The following TRIML1 variants were observed in gnomAD, a reference collection of about 807,000 sequenced individuals.
TRIML1 encodes the protein tripartite motif family like 1.
A neutral mutation model predicts 32.3 loss-of-function variants in TRIML1; 34 were observed. The observed-to-expected ratio is 1.05, with a 90% CI of 0.80 to 1.40. The LOEUF (loss-of-function observed/expected upper bound fraction) is 1.40, where lower values mean the gene tolerates loss of function less well. Among genes scored for constraint, TRIML1 ranks in the 40% most tolerant of loss-of-function variants. TRIML1 has a pLI of 0.00. For missense variants in TRIML1, 595 were observed against 574.9 expected (o/e 1.03, Z -0.36); for synonymous variants, 244 against 226.6 (o/e 1.08, Z -0.69).
intron 1 of TRIML1, 63 bp from the exon 2 acceptor site, chr4:188,140,465 T>C (rs1416941752): frequency 1.4e-6 from 2 of 1,384,202 alleles, no homozygotes; most frequent in Non-Finnish European, 1.0e-6. Context: ...TTACTGGTCT[T>C]CAAAGCCCCT....
chr4:188,144,589 C>T (rs898522236), intron 5 of TRIML1, among the ~76,000 whole-genome samples: 2 of 150,792 alleles, frequency 1.3e-5, no homozygotes, highest in Non-Finnish European at 3.0e-5. Flanking sequence ...GTCTCGATCT[C>T]CTGACCTCGT....
rs1735101612 is a variant in TRIML1, at chr4:188,146,853, T to C, written c.888T>C (p.Asn296=). Residue 296 remains asparagine, a synonymous_variant, in exon 6 of 6, where the codon AAT becomes AAC. Transcript: ENST00000332517. ...TEITLDPATA[N]AYLVLSEDLK... Reference sequence around the variant, plus strand: ...TAACGCTGGACCCAGCCACAGCTAATGCCTATCTCGTGTTGTCGGAGGATC... The same window carrying C: ...TAACGCTGGACCCAGCCACAGCTAACGCCTATCTCGTGTTGTCGGAGGATC... 7.0e-7 allele frequency: 1 copy of C among 1,434,910 alleles called. No homozygotes were observed. Among genetic ancestry groups the C allele is most frequent in the Non-Finnish European group, 9.2e-7 (1 of 1,090,854 alleles). 88.9% of individuals were successfully genotyped at this position (1,434,910 alleles called of 1,614,324 possible). A position where few individuals can be genotyped will look rare whatever the true frequency, so the allele number is the denominator to read the frequency against.
rs374237670 is a variant in TRIML1 at position 188,147,047 on chromosome 4, C to T, written c.1082C>T (p.Ser361Phe). Residue 361 changes from serine to phenylalanine, a missense_variant, in exon 6 of 6, where the codon TCT becomes TTT. Coordinates refer to ENST00000332517, the MANE Select transcript of TRIML1 (RefSeq NM_178556.5). ...TEWEVGICKD[S>F]VSRKGNLPKP... ...TGGGAAGTGGGCATCTGCAAGGACT[C>T]TGTGAGCAGAAAGGGGAATCTCCCC... The T allele has an allele frequency of 3.1e-5, 50 of 1,612,552 alleles. No homozygotes were observed. The highest frequency in any genetic ancestry group is 4.2e-5 in the Non-Finnish European group (50 of 1,179,262).
intron 5 of TRIML1, 44 bp from the exon 6 acceptor site, chr4:188,146,763 ATACCTAAGAGGTTTT>A: frequency 1.6e-6 from 2 of 1,245,960 alleles, no homozygotes. Flanking sequence ...GAAATCTCAC[ATACCTAAGAGGTTTT>A]TCAAGCATGC....
downstream of TRIML1, among the ~76,000 whole-genome samples, chr4:188,148,901 C>CTTTTTTT (rs34415263): frequency 3.1e-5 from 2 of 63,746 alleles, no homozygotes; most frequent in Non-Finnish European, 2.8e-5. Context: ...CGTGCCCAGG[C>CTTTTTTT]TTTTTTTTTT....
chr4:188,140,927 C>A (rs539259885), intron 2 of TRIML1: 3 of 201,978 alleles, frequency 1.5e-5, no homozygotes, highest in African/African-American at 2.3e-5. Context: ...TAACATGAGA[C>A]GGAAAGCGAT....
At chr4:188,148,097 T>C (rs1026140036), downstream of TRIML1, among the ~76,000 whole-genome samples, 8 of 152,194 alleles carry the variant, frequency 5.3e-5, no homozygotes, top group South Asian at 2.1e-4. Flanking sequence ...AGCGACTATA[T>C]TGCATTGTAT....
At chr4:188,145,607 G>A (rs570280326) in intron 5 of TRIML1, among the ~76,000 whole-genome samples, 13 of 152,014 alleles carry the variant, frequency 8.6e-5, no homozygotes, top group African/African-American at 2.9e-4. Flanking sequence ...TGGATCACCC[G>A]AGGTCGGGAG....
In TRIML1 at chr4:188,139,763, G is replaced by A. The variant is rs1734776603; in HGVS notation, c.205G>A (p.Glu69Lys). 6.2e-7 allele frequency: 1 copy of A among 1,613,928 alleles called. No individual in the cohort carries two copies. The highest frequency in any genetic ancestry group is 1.3e-5 in the African/African-American group (1 of 75,020). Residue 69 changes from glutamate (E) to lysine (K), a missense_variant, in exon 1 of 6, where the codon GAG (glutamate) becomes AAG (lysine). Physicochemically the swap from Glu to Lys is moderately conservative, Grantham distance 56. Transcript: ENST00000332517. Reference sequence around the variant, plus strand: ...GGAGGGCCCGCATTTCCAGTCAAACGAGCGTCTGGGGAGGCTGGCCAGCAT... The same window carrying A: ...GGAGGGCCCGCATTTCCAGTCAAACAAGCGTCTGGGGAGGCTGGCCAGCAT... The part of the protein sequence containing the change: ...TLEGPHFQSN[E>K]RLGRLASIAR...
In TRIML1 at chr4:188,147,258, C is replaced by A; in HGVS notation, c.1293C>A (p.Ser431Arg). 1 of 1,592,652 alleles carries A rather than the reference C, an allele frequency of 6.3e-7. No homozygotes were observed. The highest frequency in any genetic ancestry group is 8.6e-7 in the Non-Finnish European group (1 of 1,169,200). Residue 431 changes from serine to arginine, a missense_variant, in exon 6 of 6, where the codon AGC (serine) becomes AGA (arginine). Transcript: ENST00000332517. ...YNGTDESLIY[S>R]FPQASFQEAL... ...GGACGGATGAATCCCTCATCTACAGCTTCCCGCAGGCTTCTTTCCAAGAGG... is the reference window on the plus strand; with the variant it reads ...GGACGGATGAATCCCTCATCTACAGATTCCCGCAGGCTTCTTTCCAAGAGG...
Position 188,147,031 on chromosome 4 carries a change from G to A in TRIML1, c.1066G>A (p.Gly356Ser). The A allele has an allele frequency of 6.2e-7, 1 of 1,608,368 alleles. No homozygotes were observed. The highest frequency in any genetic ancestry group is 8.5e-7 in the Non-Finnish European group (1 of 1,176,878). The part of the protein sequence containing the change: ...EVGNKTEWEV[G>S]ICKDSVSRKG... ...GGGAAACAAGACCGAGTGGGAAGTGGGCATCTGCAAGGACTCTGTGAGCAG... is the reference window on the plus strand; with the variant it reads ...GGGAAACAAGACCGAGTGGGAAGTGAGCATCTGCAAGGACTCTGTGAGCAG... Residue 356 changes from glycine to serine, a missense_variant, in exon 6 of 6, where the codon GGC (glycine) becomes AGC (serine). Coordinates refer to ENST00000332517, the MANE Select transcript of TRIML1 (RefSeq NM_178556.5).
At chr4:188,148,868 C>T (rs1360356705), downstream of TRIML1, among the ~76,000 whole-genome samples, 7 of 140,138 alleles carry the variant, frequency 5.0e-5, no homozygotes, top group African/African-American at 1.9e-4. Flanking sequence ...TCCCAAAGTG[C>T]TAGGATTACA....
At chr4:188,150,384 C>T (rs1024171050), downstream of TRIML1, among the ~76,000 whole-genome samples, 13 of 152,134 alleles carry the variant, frequency 8.5e-5, no homozygotes, top group African/African-American at 3.1e-4. Flanking sequence ...CCGCCTCAGC[C>T]TCCCAAAGTG....
upstream of TRIML1, among the ~76,000 whole-genome samples, chr4:188,138,857 G>A (rs1734744991): frequency 6.6e-6 from 1 of 152,046 alleles, no homozygotes; most frequent in Non-Finnish European, 1.5e-5. Flanking sequence ...GGTGTGCAGG[G>A]AAGATCAATA....
intron 5 of TRIML1, 103 bp from the exon 6 acceptor site, chr4:188,146,719 T>A: frequency 9.9e-7 from 1 of 1,005,916 alleles, no homozygotes; most frequent in African/African-American, 1.7e-5. Context: ...AAATTACATT[T>A]AAAAAACCAG....
At chr4:188,146,520 G>A (rs889118836) in intron 5 of TRIML1, among the ~76,000 whole-genome samples, 4 of 152,114 alleles carry the variant, frequency 2.6e-5, no homozygotes, top group South Asian at 4.2e-4. Context: ...AGCAATTCTC[G>A]TGCCTCAGCC....
intron 3 of TRIML1, chr4:188,143,492 C>T: frequency 3.0e-6 from 1 of 335,034 alleles, no homozygotes; most frequent in South Asian, 2.9e-5. Flanking sequence ...CTTGGTTAGC[C>T]TCAGTTCTCA....
At position 188,139,514 on chromosome 4, in the gene TRIML1, C is replaced by T; in HGVS notation, c.-45C>T. On this transcript the variant is annotated 5_prime_UTR_variant, in exon 1 of 6. Coordinates refer to ENST00000332517, the MANE Select transcript of TRIML1 (RefSeq NM_178556.5). ...GGACGGCAGTGAGGGCTTTGCTAATCCCAGAACAGAGGTGTAACCTGGCTG... is the reference window on the plus strand; with the variant it reads ...GGACGGCAGTGAGGGCTTTGCTAATTCCAGAACAGAGGTGTAACCTGGCTG... The T allele has an allele frequency of 6.5e-7, 1 of 1,527,502 alleles. No individual in the cohort carries two copies. The highest frequency in any genetic ancestry group is 8.8e-7 in the Non-Finnish European group (1 of 1,135,782). The allele number at this position is 1,527,502 out of a possible 1,614,324, so 94.6% of individuals were successfully genotyped here. A position where few individuals can be genotyped will look rare whatever the true frequency, so the allele number is the denominator to read the frequency against.
At chr4:188,145,244 C>G (rs1254047679) in intron 5 of TRIML1, among the ~76,000 whole-genome samples, 1 of 151,314 alleles carries the variant, frequency 6.6e-6, no homozygotes, top group Non-Finnish European at 1.5e-5. Context: ...TCGAGACCAG[C>G]CTGGCCAACA....
Sources: gnomAD v4.1 joint callset for allele counts (sites outside exome capture counted in the v4.1 genomes callset) on GRCh38, gnomAD v4.1.1 for gene constraint, MANE v1.5 for transcripts, NCBI Gene and HGNC (gene_info 2026-07-23, HGNC 2026-07-21) for gene names.